The following CCDC9 variants were observed in gnomAD, a reference collection of about 807,000 sequenced individuals.
CCDC9 encodes the protein coiled-coil domain-containing protein 9.
CCDC9 carries 52 observed loss-of-function variants against 65.6 expected under a neutral mutation model. The ratio of observed to expected loss-of-function variants is 0.79; its 90% CI spans 0.63 to 1.00. The LOEUF (loss-of-function observed/expected upper bound fraction) is 1.00. Ranked by LOEUF, CCDC9 falls within the 50% of genes least tolerant of loss-of-function variation. CCDC9 has a pLI of 0.00. For synonymous variants in CCDC9, 332 were observed against 280.3 expected, an observed-to-expected ratio of 1.18 and a Z score of -1.84; for missense variants, 834 against 757.2, an observed-to-expected ratio of 1.10 and a Z score of -1.19.
rs757754284 is a variant in CCDC9, at chr19:47,258,700, T to C, written c.108+37T>C. The C allele has an allele frequency of 1.0e-5, 15 of 1,486,886 alleles. No individual in the cohort carries two copies. In the South Asian group the frequency reaches 1.7e-4, roughly 17 times the overall value. 92.1% of individuals were successfully genotyped at this position (1,486,886 alleles called of 1,614,324 possible). A position where few individuals can be genotyped will look rare whatever the true frequency, so the allele number is the denominator to read the frequency against. ...CCGCCCTGGGAGACCCCATCCCCTC[T>C]CTTCCCCGCAGTGAGTTTTTCTCAC... On this transcript the variant is annotated intron_variant, in intron 3 of 11. Transcript: ENST00000221922.
chr19:47,268,899 CAGAG>C (rs780766397), intron 8 of CCDC9, among the ~76,000 whole-genome samples: 8 of 149,424 alleles, frequency 5.4e-5, no homozygotes, highest in South Asian at 2.1e-4. Context: ...GCCTGGGCGA[CAGAG>C]AGAGACTCCG....
Position 47,260,332 on chromosome 19 carries a change from A to G in CCDC9, c.120A>G (p.Glu40=), listed in dbSNP as rs757633494. The part of the protein sequence containing the change: ...ALIRRYQEIE[E]DRKKAELEGV... ...CTGTCTGCTCCTAGGAGATTGAGGA[A>G]GACCGTAAGAAAGCTGAACTTGAGG... The change falls in exon 4 of 12, where the codon GAA becomes GAG. Residue 40 remains glutamate (E), a synonymous_variant. Transcript: ENST00000221922. 9.4e-6 allele frequency: 15 copies of G among 1,590,686 alleles called. No homozygotes were observed. Among genetic ancestry groups the G allele is most frequent in the Non-Finnish European group, 1.3e-5 (15 of 1,168,218 alleles).
chr19:47,267,072 C>T (rs2123469576), intron 8 of CCDC9, among the ~76,000 whole-genome samples: 1 of 151,708 alleles, frequency 6.6e-6, no homozygotes, highest in African/African-American at 2.4e-5. Context: ...TCACACCACT[C>T]TCCTGCCTCA....
chr19:47,273,298 G>T, downstream of CCDC9: 1 of 1,061,646 alleles, frequency 9.4e-7, no homozygotes, highest in Non-Finnish European at 1.2e-6. Flanking sequence ...GGGGTGCTGG[G>T]CCGGGGGGGA....
chr19:47,274,090 G>C (rs962775400), downstream of CCDC9: 3 of 586,732 alleles, frequency 5.1e-6, no homozygotes, highest in Non-Finnish European at 6.4e-6. Context: ...CCAGAGCCTA[G>C]TCTGGACCCC....
chr19:47,270,269 C>T, intron 8 of CCDC9, 138 bp from the exon 9 acceptor site: 1 of 801,716 alleles, frequency 1.2e-6, no homozygotes, highest in Non-Finnish European at 2.1e-6. Flanking sequence ...ATGCCCGGCC[C>T]TGTCCTACTT....
downstream of CCDC9, chr19:47,273,739 A>C (rs915024733): frequency 1.4e-5 from 5 of 352,062 alleles, no homozygotes; most frequent in Admixed American, 4.8e-5. Context: ...TCCCGCCTCC[A>C]GGATTGCATC....
Position 47,260,758 on chromosome 19 carries a change from C to T in CCDC9, c.381C>T (p.Gly127=), listed in dbSNP as rs1399261959. 2.5e-6 allele frequency: 4 copies of T among 1,608,688 alleles called. No individual in the cohort carries two copies. Among genetic ancestry groups the T allele is most frequent in the South Asian group, 2.2e-5 (2 of 90,674 alleles). ...GEQPRGGGAG[G]RGRRGRGRGS... Reference sequence around the variant, plus strand: ...AGCCTCGAGGAGGAGGAGCTGGGGGCCGTGGCCGGAGGGGCCGGGGCCGAG... The same window carrying T: ...AGCCTCGAGGAGGAGGAGCTGGGGGTCGTGGCCGGAGGGGCCGGGGCCGAG... The change falls in exon 5 of 12, where the codon GGC becomes GGT. Residue 127 remains glycine (G), a synonymous_variant. Transcript: ENST00000221922.
chr19:47,269,109 G>GA (rs1027384574), intron 8 of CCDC9, among the ~76,000 whole-genome samples: 14 of 150,406 alleles, frequency 9.3e-5, no homozygotes, highest in African/African-American at 1.5e-4. Flanking sequence ...CTATCTCTAA[G>GA]AAAAAAAAAT....
chr19:47,257,171 C>G (rs546556199), intron 1 of CCDC9, among the ~76,000 whole-genome samples: 1 of 149,394 alleles, frequency 6.7e-6, no homozygotes, highest in Non-Finnish European at 1.5e-5. Flanking sequence ...AGCCAGAACC[C>G]TGGGGAAGCC....
At chr19:47,258,730 C>T in intron 3 of CCDC9, 67 bp downstream of exon 3, 1 of 1,222,212 alleles carries the variant, frequency 8.2e-7, no homozygotes, top group South Asian at 1.2e-5. Context: ...TCTCACCTCT[C>T]CCTTCCTTAA....
At chr19:47,273,799 G>A (rs1056529905), downstream of CCDC9, 3 of 281,320 alleles carry the variant, frequency 1.1e-5, no homozygotes, top group Non-Finnish European at 1.9e-5. Flanking sequence ...TTACTCGGGC[G>A]CCAGCCCTGT....
chr19:47,274,861 G>C, downstream of CCDC9: 2 of 1,128,604 alleles, frequency 1.8e-6, no homozygotes, highest in Non-Finnish European at 2.2e-6. Flanking sequence ...GGTGGGGGCG[G>C]GGCCTGGTGG....
Position 47,266,615 on chromosome 19 carries a change from G to C in CCDC9, c.725G>C (p.Arg242Pro). The change falls in exon 8 of 12, where the codon CGC becomes CCC. Residue 242 changes from arginine (R) to proline (P), a missense_variant. Physicochemically the swap from Arg to Pro is moderately radical, Grantham distance 103. Coordinates refer to ENST00000221922, the MANE Select transcript of CCDC9 (RefSeq NM_015603.3). Reference sequence around the variant, plus strand: ...TCCCTGTGGGCTGGGGGGCAGGGCCGCCGAGCTGGCCTGGGCAGTGCTGGA... The same window carrying C: ...TCCCTGTGGGCTGGGGGGCAGGGCCCCCGAGCTGGCCTGGGCAGTGCTGGA... ...RCGLEHERQG[R>P]RAGLGSAGDM... The C allele has an allele frequency of 6.5e-7, 1 of 1,532,512 alleles. No homozygotes were observed. The highest frequency in any genetic ancestry group is 8.8e-7 in the Non-Finnish European group (1 of 1,134,130). 94.9% of individuals were successfully genotyped at this position (1,532,512 alleles called of 1,614,324 possible).
intron 8 of CCDC9, among the ~76,000 whole-genome samples, chr19:47,267,968 C>T (rs2059093462): frequency 6.6e-6 from 1 of 152,110 alleles, no homozygotes; most frequent in African/African-American, 2.4e-5. Context: ...CTGCCTCAGC[C>T]TCCTGAGTAG....
downstream of CCDC9, chr19:47,274,884 T>C (rs2059146643): frequency 2.5e-6 from 3 of 1,199,278 alleles, no homozygotes; most frequent in Non-Finnish European, 3.1e-6. Flanking sequence ...GCGGGGCCTG[T>C]GCGGTCTGCG....
downstream of CCDC9, among the ~76,000 whole-genome samples, chr19:47,273,104 A>T (rs1019670114): frequency 3.3e-5 from 5 of 152,012 alleles, no homozygotes; most frequent in African/African-American, 7.3e-5. Context: ...GTCTTGGGCC[A>T]CTTGTTGGTC....
rs1240164974 is a variant in CCDC9 at position 47,258,335 on chromosome 19, C to T, written c.-66C>T. ...TTTTTTCCCTCTGTCCCCAGGAACCCTCAGTGCTGCGTCTAGATTCTGCAG... is the reference window on the plus strand; with the variant it reads ...TTTTTTCCCTCTGTCCCCAGGAACCTTCAGTGCTGCGTCTAGATTCTGCAG... On this transcript the variant is annotated 5_prime_UTR_variant, in exon 2 of 12. Coordinates refer to ENST00000221922, the MANE Select transcript of CCDC9 (RefSeq NM_015603.3). 3 of 1,584,580 alleles carry T rather than the reference C, an allele frequency of 1.9e-6. No individual in the cohort carries two copies. The highest frequency in any genetic ancestry group is 2.2e-5 in the East Asian group (1 of 44,712).
chr19:47,273,282 G>A, downstream of CCDC9: 2 of 908,314 alleles, frequency 2.2e-6, no homozygotes, highest in African/African-American at 1.7e-5. Context: ...GTGGCTAGAC[G>A]GGGGAGGGGT....
Sources: allele counts gnomAD v4.1 joint callset (sites outside exome capture counted in the v4.1 genomes callset), GRCh38; gene constraint gnomAD v4.1.1; transcripts MANE v1.5; gene names NCBI Gene and HGNC (gene_info 2026-07-23, HGNC 2026-07-21).